Variants in FAF1 observed in about 807,000 individuals in gnomAD.
FAF1 encodes FAS-associated factor 1.
A neutral mutation model predicts 92.5 loss-of-function variants in FAF1; 25 were observed. The observed-to-expected ratio is 0.27, with a 90% confidence interval of 0.20 to 0.38. The LOEUF is 0.38. Among genes scored for constraint, FAF1 ranks in the 10% least tolerant of loss-of-function variants. The probability of loss-of-function intolerance (pLI) is 1.00; values close to 1 mark genes in which losing one functional copy is unlikely to be tolerated. For synonymous variants in FAF1, 234 were observed against 273.2 expected (o/e 0.86, Z 1.42); for missense variants, 636 against 793.3 (o/e 0.80, Z 2.38).
intron 1 of FAF1, among the ~76,000 whole-genome samples, chr1:50,867,695 G>T (rs924991425): frequency 1.3e-5 from 2 of 152,256 alleles, no homozygotes; most frequent in Middle Eastern, 3.4e-3. Flanking sequence ...TGTTGCTGTG[G>T]ATGTGGTGAA....
chr1:50,492,498 C>T (rs1047281710), intron 15 of FAF1, among the ~76,000 whole-genome samples: 11 of 152,136 alleles, frequency 7.2e-5, no homozygotes, highest in East Asian at 1.9e-4. Flanking sequence ...ATTTAAATCA[C>T]GAATTCATTT....
In FAF1 at chr1:50,788,148, A is replaced by G; in HGVS notation, c.219T>C (p.Ala73=). 1 of 1,614,170 alleles carries G rather than the reference A, an allele frequency of 6.2e-7. No homozygotes were observed. The highest frequency in any genetic ancestry group is 8.5e-7 in the Non-Finnish European group (1 of 1,180,018). ...AAGAAGAAGAGGAAGTAGGAGCTGAAGCTGGATGACTTGCTGGATTAAATG... is the reference window on the plus strand; with the variant it reads ...AAGAAGAAGAGGAAGTAGGAGCTGAGGCTGGATGACTTGCTGGATTAAATG... The part of the protein sequence containing the change: ...GPAFNPASHP[A]SAPTSSSSSA... The change falls in exon 4 of 19, where the codon GCT becomes GCC. Residue 73 remains alanine, a synonymous_variant. Coordinates refer to ENST00000396153, the MANE Select transcript of FAF1 (RefSeq NM_007051.3).
intron 1 of FAF1, among the ~76,000 whole-genome samples, chr1:50,897,100 A>C (rs1178776854): frequency 6.6e-6 from 1 of 152,244 alleles, no homozygotes; most frequent in Non-Finnish European, 1.5e-5. Context: ...TATAAATCTA[A>C]TAAAATATGT....
At chr1:50,946,903 A>T (rs1331834791) in intron 1 of FAF1, among the ~76,000 whole-genome samples, 1 of 152,212 alleles carries the variant, frequency 6.6e-6, no homozygotes, top group Non-Finnish European at 1.5e-5. Flanking sequence ...CAAGAGGGAG[A>T]CATTATCTCT....
At chr1:50,840,376 A>AAT (rs746572350) in intron 2 of FAF1, among the ~76,000 whole-genome samples, 11 of 152,072 alleles carry the variant, frequency 7.2e-5, no homozygotes, top group Non-Finnish European at 1.0e-4. Flanking sequence ...TAGTACCCAC[A>AAT]ATATATAAAG....
intron 9 of FAF1, among the ~76,000 whole-genome samples, chr1:50,588,039 C>A (rs1489156429): frequency 6.6e-6 from 1 of 152,178 alleles, no homozygotes; most frequent in Non-Finnish European, 1.5e-5. Flanking sequence ...GTAATCCCAG[C>A]ACTTTCAGAG....
chr1:50,715,836 T>G (rs1460885014), intron 6 of FAF1, among the ~76,000 whole-genome samples: 9 of 152,176 alleles, frequency 5.9e-5, no homozygotes, highest in Non-Finnish European at 8.8e-5. Context: ...GAAAATTAGG[T>G]ATAGCAAATT....
chr1:50,697,294 A>G (rs1045904079), intron 7 of FAF1, among the ~76,000 whole-genome samples: 1 of 152,214 alleles, frequency 6.6e-6, no homozygotes, highest in Non-Finnish European at 1.5e-5. Context: ...ATGATAATCC[A>G]GTTTAAAAAG....
At chr1:50,694,407 T>C (rs1272183979) in intron 7 of FAF1, among the ~76,000 whole-genome samples, 1 of 152,000 alleles carries the variant, frequency 6.6e-6, no homozygotes, top group Non-Finnish European at 1.5e-5. Flanking sequence ...AACTCTAATA[T>C]TTGCTCTTGA....
chr1:50,840,193 G>C (rs1644244463), intron 2 of FAF1, among the ~76,000 whole-genome samples: 1 of 151,874 alleles, frequency 6.6e-6, no homozygotes, highest in Non-Finnish European at 1.5e-5. Context: ...TTATGGCCTT[G>C]GTTAAGGAAA....
chr1:50,866,602 C>G (rs1557565767), intron 1 of FAF1, among the ~76,000 whole-genome samples: 2 of 151,226 alleles, frequency 1.3e-5, no homozygotes, highest in South Asian at 2.1e-4. Flanking sequence ...AGCTGCAAAA[C>G]AAAAAACAAA....
intron 7 of FAF1, among the ~76,000 whole-genome samples, chr1:50,688,804 C>T (rs1409790872): frequency 1.3e-5 from 2 of 151,966 alleles, no homozygotes; most frequent in Admixed American, 6.6e-5. Context: ...AAGAGCGAAA[C>T]TCTATCTCAA....
intron 18 of FAF1, among the ~76,000 whole-genome samples, chr1:50,463,699 G>A (rs76789762): frequency 0.015 from 2,242 of 152,270 alleles, 58 homozygotes; most frequent in African/African-American, 0.052. Context: ...CAGAACATTA[G>A]TAATTGTTAA....
At chr1:50,710,478 C>T (rs1017456338) in intron 6 of FAF1, among the ~76,000 whole-genome samples, 2 of 152,162 alleles carry the variant, frequency 1.3e-5, no homozygotes, top group African/African-American at 4.8e-5. Flanking sequence ...CCCATTCATT[C>T]TTTCAACCAT....
Position 50,797,053 on chromosome 1 carries a change from T to C in FAF1, c.161+4578A>G, listed in dbSNP as rs531159461. On this transcript the variant is annotated intron_variant, in intron 3 of 18. Transcript: ENST00000396153. The stretch of plus-strand genomic sequence containing the variant: ...CAGGAGGCTGATGTGGGAGGATCAA[T>C]TGAGTCAGGGAGGTAGAGGTTGCAG... Among the ~76,000 whole-genome samples the C allele has an allele frequency of 4.7e-4, 72 of 152,104 alleles. 1 individual carries two copies. The highest frequency in any genetic ancestry group is 1.5e-3 in the African/African-American group (64 of 41,502).
chr1:50,697,032 C>T (rs1427204345), intron 7 of FAF1, among the ~76,000 whole-genome samples: 2 of 152,198 alleles, frequency 1.3e-5, no homozygotes, highest in East Asian at 3.8e-4. Flanking sequence ...TTTGGACCAG[C>T]TGGGTAGAAA....
intron 8 of FAF1, among the ~76,000 whole-genome samples, chr1:50,648,207 G>A (rs1015851090): frequency 6.6e-6 from 1 of 152,120 alleles, no homozygotes; most frequent in African/African-American, 2.4e-5. Flanking sequence ...GCAGTGAGCC[G>A]AGATCGTGCC....
intron 2 of FAF1, among the ~76,000 whole-genome samples, chr1:50,832,329 ACCACTGTCCAGTACTGGCACAGAATCCAG>A (rs1366499677): frequency 6.6e-5 from 10 of 152,286 alleles, no homozygotes; most frequent in Admixed American, 6.5e-4. Flanking sequence ...AACAGTTGTT[ACCACTGTCCAGTACTGGCACAGAATCCAG>A]CAGTAGCAAC....
intron 6 of FAF1, among the ~76,000 whole-genome samples, chr1:50,733,108 C>T (rs373551091): frequency 3.3e-5 from 5 of 152,152 alleles, no homozygotes; most frequent in Admixed American, 6.6e-5. Flanking sequence ...ATTATGATGA[C>T]CTAATAAGAT....
Sources: allele counts gnomAD v4.1 joint callset (sites outside exome capture counted in the v4.1 genomes callset), GRCh38; gene constraint gnomAD v4.1.1; transcripts MANE v1.5; gene names NCBI Gene and HGNC (gene_info 2026-07-23, HGNC 2026-07-21).